CERS6: variants seen among roughly 807,000 people sequenced by gnomAD.
The protein encoded by CERS6 is ceramide synthase 6.
A neutral mutation model predicts 56.8 loss-of-function variants in CERS6; 26 were observed. That is an observed-to-expected ratio of 0.46 (90% CI 0.34 to 0.63). The LOEUF is 0.63. Ranked by LOEUF, CERS6 falls within the 30% of genes least tolerant of loss-of-function variation. The pLI is 0.01. For synonymous variants in CERS6, 164 were observed against 173.3 expected (o/e 0.95, Z 0.42); for missense variants, 415 against 467.5 (o/e 0.89, Z 1.04).
chr2:168,757,526 C>G (rs1000641610), intron 8 of CERS6, among the ~76,000 whole-genome samples: 1 of 152,106 alleles, frequency 6.6e-6, no homozygotes, highest in Non-Finnish European at 1.5e-5. Flanking sequence ...ATAACGTGCA[C>G]TGCTAAATGA....
intron 1 of CERS6, among the ~76,000 whole-genome samples, chr2:168,476,714 G>C (rs12465461): frequency 6.6e-6 from 1 of 151,892 alleles, no homozygotes; most frequent in Non-Finnish European, 1.5e-5. Context: ...GATGTCCAGA[G>C]GCGGGAGGAG....
chr2:168,618,515 T>TA (rs987568816), intron 3 of CERS6, among the ~76,000 whole-genome samples: 4 of 152,198 alleles, frequency 2.6e-5, no homozygotes, highest in Admixed American at 1.3e-4. Flanking sequence ...CTAGAACTGA[T>TA]AAAAAATTCA....
chr2:168,544,445 T>C (rs542565363), intron 1 of CERS6, among the ~76,000 whole-genome samples: 17 of 152,274 alleles, frequency 1.1e-4, no homozygotes. Flanking sequence ...TGCACAGGGC[T>C]CTGGAGATGT....
intron 3 of CERS6, among the ~76,000 whole-genome samples, chr2:168,616,094 C>G (rs997355379): frequency 1.3e-5 from 2 of 152,120 alleles, no homozygotes; most frequent in Admixed American, 1.3e-4. Flanking sequence ...CAATTATCAG[C>G]CGAAAGTTTT....
At chr2:168,604,836 A>G (rs1684016311) in intron 3 of CERS6, among the ~76,000 whole-genome samples, 1 of 152,174 alleles carries the variant, frequency 6.6e-6, no homozygotes, top group African/African-American at 2.4e-5. Flanking sequence ...ACCATGAGCC[A>G]ATTAAACCTC....
rs1038077348 is a variant in CERS6, at chr2:168,772,128, C to T, written c.*2466C>T. The T allele has an allele frequency of 2.6e-5, 4 of 152,180 alleles. No homozygotes were observed. The highest frequency in any genetic ancestry group is 9.7e-5 in the African/African-American group (4 of 41,434). 9.4% of individuals were successfully genotyped at this position (152,180 alleles called of 1,614,324 possible). On this transcript the variant is annotated 3_prime_UTR_variant, in exon 10 of 10. Coordinates refer to ENST00000305747, the MANE Select transcript of CERS6 (RefSeq NM_203463.3). ...AATATGTGCAGTATCTCATCCTCCC[C>T]CTGTACCAGGCCATAGCTTTGAAGT...
At chr2:168,617,292 A>G (rs776571465) in intron 3 of CERS6, among the ~76,000 whole-genome samples, 2 of 152,200 alleles carry the variant, frequency 1.3e-5, no homozygotes, top group South Asian at 4.1e-4. Flanking sequence ...GAAAGAGCAC[A>G]CACGGACATT....
intron 6 of CERS6, among the ~76,000 whole-genome samples, chr2:168,699,404 A>G (rs772476897): frequency 2.0e-5 from 3 of 152,196 alleles, no homozygotes; most frequent in African/African-American, 7.2e-5. Flanking sequence ...TGGCTCCCAT[A>G]TTAAATAACA....
intron 4 of CERS6, among the ~76,000 whole-genome samples, chr2:168,663,913 G>A (rs1333083943): frequency 2.0e-5 from 3 of 152,088 alleles, no homozygotes; most frequent in Non-Finnish European, 4.4e-5. Context: ...GCTCTTCACT[G>A]CTTTTCAGTA....
At chr2:168,700,620 G>A (rs563330152) in intron 6 of CERS6, among the ~76,000 whole-genome samples, 1 of 152,078 alleles carries the variant, frequency 6.6e-6, no homozygotes, top group African/African-American at 2.4e-5. Context: ...AACATTATGG[G>A]TGCAATATGG....
In CERS6 at chr2:168,634,929, G is replaced by C. The variant is rs113488934; in HGVS notation, c.465+3887G>C. On this transcript the variant is annotated intron_variant, in intron 4 of 9. Transcript: ENST00000305747. ...GTTGCTCAAAGTAAATTGATCTACT[G>C]TTTACTACCAGTCTGCAATGAGATA... 6.9e-3 allele frequency among the ~76,000 whole-genome samples: 1,056 copies of C among 152,262 alleles called. 14 individuals carry two copies. The highest frequency in any genetic ancestry group is 0.023 in the African/African-American group (962 of 41,548).
intron 1 of CERS6, among the ~76,000 whole-genome samples, chr2:168,494,008 A>G (rs1413013892): frequency 6.6e-6 from 1 of 152,144 alleles, no homozygotes; most frequent in Non-Finnish European, 1.5e-5. Flanking sequence ...CTTCTTGCTA[A>G]GCCAGAAGAG....
At chr2:168,480,171 T>C (rs1694153841) in intron 1 of CERS6, among the ~76,000 whole-genome samples, 2 of 152,300 alleles carry the variant, frequency 1.3e-5, no homozygotes, top group East Asian at 3.9e-4. Context: ...TGGATATGGA[T>C]GAGTCTTTGA....
At chr2:168,689,991 A>C (rs1234629684) in intron 4 of CERS6, among the ~76,000 whole-genome samples, 2 of 152,162 alleles carry the variant, frequency 1.3e-5, no homozygotes, top group African/African-American at 4.8e-5. Flanking sequence ...AGTTATTCAC[A>C]GACTCGGGGC....
At chr2:168,507,143 A>G (rs1210562408) in intron 1 of CERS6, among the ~76,000 whole-genome samples, 3 of 152,132 alleles carry the variant, frequency 2.0e-5, no homozygotes, top group African/African-American at 7.2e-5. Flanking sequence ...GTGCTTCAGT[A>G]TGCTTTTTTC....
At chr2:168,459,222 T>G (rs1693733501) in intron 1 of CERS6, among the ~76,000 whole-genome samples, 1 of 152,282 alleles carries the variant, frequency 6.6e-6, no homozygotes, top group African/African-American at 2.4e-5. Flanking sequence ...TTATTTTACA[T>G]TAAGTGAAGT....
intron 4 of CERS6, among the ~76,000 whole-genome samples, chr2:168,665,953 T>TGTGC (rs2105333378): frequency 4.8e-4 from 1 of 2,064 alleles, no homozygotes; most frequent in South Asian, 0.1. Context: ...ATTAGTAGAC[T>TGTGC]GTGTGTGTGT....
At chr2:168,623,077 G>A (rs888941625) in intron 3 of CERS6, among the ~76,000 whole-genome samples, 3 of 152,134 alleles carry the variant, frequency 2.0e-5, no homozygotes, top group African/African-American at 7.2e-5. Flanking sequence ...TAAAGTCAGT[G>A]TCTCAGTAAC....
chr2:168,715,520 G>A (rs1687206804), intron 7 of CERS6, among the ~76,000 whole-genome samples: 1 of 151,932 alleles, frequency 6.6e-6, no homozygotes, highest in African/African-American at 2.4e-5. Flanking sequence ...AATTAAGTAG[G>A]GGTCATTGTT....
Sources: allele counts gnomAD v4.1 joint callset (sites outside exome capture counted in the v4.1 genomes callset), GRCh38; gene constraint gnomAD v4.1.1; transcripts MANE v1.5; gene names NCBI Gene and HGNC (gene_info 2026-07-23, HGNC 2026-07-21).